Variants in ADAM12 observed in about 807,000 individuals in gnomAD.
The protein encoded by ADAM12 is ADAM metallopeptidase domain 12, also known as disintegrin and metalloproteinase domain-containing protein 12.
Under a neutral mutation model 106.4 loss-of-function variants are expected in ADAM12, and 70 were observed. The ratio of observed to expected loss-of-function variants is 0.66; its 90% confidence interval spans 0.54 to 0.80. The LOEUF (loss-of-function observed/expected upper bound fraction) is 0.80, where lower values mean the gene tolerates loss of function less well. ADAM12 is among the 30% of genes least tolerant of loss of function. The pLI, the probability that ADAM12 is intolerant of heterozygous loss-of-function variation, is 0.00. For missense variants in ADAM12, 1,010 were observed against 1,171.9 expected (o/e 0.86, Z 2.02); for synonymous variants, 420 against 433.5 (o/e 0.97, Z 0.39).
At chr10:126,303,938 A>T (rs529965272) in intron 2 of ADAM12, among the ~76,000 whole-genome samples, 1 of 152,326 alleles carries the variant, frequency 6.6e-6, no homozygotes, top group Non-Finnish European at 1.5e-5. Context: ...ACATTATAGA[A>T]CCATACTATA....
At chr10:126,347,972 G>A (rs149088427) in intron 1 of ADAM12, among the ~76,000 whole-genome samples, 27 of 152,276 alleles carry the variant, frequency 1.8e-4, no homozygotes, top group African/African-American at 6.0e-4. Context: ...AGGTTTCCAT[G>A]GGAGTCTAGA....
intron 6 of ADAM12, among the ~76,000 whole-genome samples, chr10:126,112,495 C>A (rs796177771): frequency 6.6e-6 from 1 of 152,058 alleles, no homozygotes; most frequent in Non-Finnish European, 1.5e-5. Flanking sequence ...GTCTCCGTTC[C>A]CAGGTGGAGG....
chr10:126,359,388 T>C (rs1176777834), intron 1 of ADAM12, among the ~76,000 whole-genome samples: 1 of 152,206 alleles, frequency 6.6e-6, no homozygotes, highest in Non-Finnish European at 1.5e-5. Context: ...AAGTCCCTTC[T>C]GCCTATGAGC....
chr10:126,355,244 G>C (rs959021577), intron 1 of ADAM12, among the ~76,000 whole-genome samples: 1 of 152,134 alleles, frequency 6.6e-6, no homozygotes, highest in Non-Finnish European at 1.5e-5. Flanking sequence ...TAAATTAAAA[G>C]CTATGAATAA....
intron 1 of ADAM12, among the ~76,000 whole-genome samples, chr10:126,356,991 G>A (rs1205535986): frequency 6.6e-6 from 1 of 152,048 alleles, no homozygotes; most frequent in Non-Finnish European, 1.5e-5. Flanking sequence ...CCTAACTTTT[G>A]CATAATACAA....
intron 3 of ADAM12, among the ~76,000 whole-genome samples, chr10:126,176,091 C>T (rs1957215346): frequency 6.6e-6 from 1 of 152,160 alleles, no homozygotes; most frequent in South Asian, 2.1e-4. Flanking sequence ...CTGCGATCCT[C>T]AGGGGGTCAG....
At chr10:126,335,232 A>G (rs1854657813) in intron 1 of ADAM12, among the ~76,000 whole-genome samples, 1 of 152,248 alleles carries the variant, frequency 6.6e-6, no homozygotes, top group Non-Finnish European at 1.5e-5. Context: ...CATTGAGAAA[A>G]TAAACTCTGA....
chr10:126,146,326 A>G (rs10901537), intron 4 of ADAM12, among the ~76,000 whole-genome samples: 49,910 of 152,066 alleles, frequency 0.33, 8,519 homozygotes, highest in Non-Finnish European at 0.38. Flanking sequence ...TGTGTGGAGT[A>G]CAGCAACAGC....
chr10:126,293,893 C>T (rs1960261168), intron 2 of ADAM12, among the ~76,000 whole-genome samples: 1 of 152,194 alleles, frequency 6.6e-6, no homozygotes, highest in South Asian at 2.1e-4. Flanking sequence ...TAGAGCTCTT[C>T]TCTCCAATCT....
At chr10:126,204,162 G>A (rs987083469) in intron 3 of ADAM12, among the ~76,000 whole-genome samples, 4 of 152,150 alleles carry the variant, frequency 2.6e-5, no homozygotes, top group Non-Finnish European at 5.9e-5. Context: ...GCTAGAAATG[G>A]AAATCTCCCC....
chr10:126,276,684 T>G (rs572808576), intron 3 of ADAM12, among the ~76,000 whole-genome samples: 55 of 152,300 alleles, frequency 3.6e-4, no homozygotes, highest in Non-Finnish European at 6.9e-4. Flanking sequence ...CATAGGAACA[T>G]ATGAAACATT....
chr10:126,269,445 A>G (rs1959164118), intron 3 of ADAM12, among the ~76,000 whole-genome samples: 1 of 152,174 alleles, frequency 6.6e-6, no homozygotes, highest in Admixed American at 6.5e-5. Context: ...ATAAGCAATC[A>G]ATGAAAGCAT....
intron 3 of ADAM12, among the ~76,000 whole-genome samples, chr10:126,264,097 G>T (rs1216174026): frequency 6.6e-6 from 1 of 152,124 alleles, no homozygotes; most frequent in African/African-American, 2.4e-5. Context: ...TGATATGAAT[G>T]TACAATACCA....
At chr10:126,248,123 A>G (rs1296796938) in intron 3 of ADAM12, among the ~76,000 whole-genome samples, 4 of 152,182 alleles carry the variant, frequency 2.6e-5, no homozygotes, top group Non-Finnish European at 5.9e-5. Flanking sequence ...TCTAGGCCTC[A>G]GTGTCCTCAT....
chr10:126,241,587 C>T (rs1958524781), intron 3 of ADAM12, among the ~76,000 whole-genome samples: 1 of 152,142 alleles, frequency 6.6e-6, no homozygotes, highest in Non-Finnish European at 1.5e-5. Flanking sequence ...GTTTATAAGA[C>T]ATGTTGAGGC....
intron 8 of ADAM12, among the ~76,000 whole-genome samples, chr10:126,106,526 A>AC (rs1173958601): frequency 7.6e-6 from 1 of 132,104 alleles, no homozygotes; most frequent in Non-Finnish European, 1.5e-5. Context: ...TCGCTCTGTC[A>AC]CCAGGCTAGA....
intron 8 of ADAM12, among the ~76,000 whole-genome samples, chr10:126,105,149 C>T (rs533569749): frequency 3.8e-4 from 58 of 152,326 alleles, no homozygotes; most frequent in South Asian, 8.3e-4. Context: ...GCAAACTCCA[C>T]GGAGTCCGTT....
At chr10:126,069,551 C>T (rs1191512245) in intron 12 of ADAM12, among the ~76,000 whole-genome samples, 1 of 152,238 alleles carries the variant, frequency 6.6e-6, no homozygotes, top group Non-Finnish European at 1.5e-5. Flanking sequence ...CCGCATGACT[C>T]CTTCATGGAG....
intron 21 of ADAM12, among the ~76,000 whole-genome samples, chr10:126,031,387 C>T (rs1393657359): frequency 6.6e-6 from 1 of 152,202 alleles, no homozygotes; most frequent in Non-Finnish European, 1.5e-5. Flanking sequence ...GGCACATGCC[C>T]TTATCCATTC....
Sources: allele counts gnomAD v4.1 joint callset (sites outside exome capture counted in the v4.1 genomes callset), GRCh38; gene constraint gnomAD v4.1.1; transcripts MANE v1.5; gene names NCBI Gene and HGNC (gene_info 2026-07-23, HGNC 2026-07-21).